The following PARP2 variants were observed in gnomAD, a reference collection of about 807,000 sequenced individuals.
The protein encoded by PARP2 is poly(ADP-ribose) polymerase 2, also known as poly [ADP-ribose] polymerase 2.
Under a neutral mutation model 77.8 loss-of-function variants are expected in PARP2, and 57 were observed. The observed-to-expected ratio is 0.73, with a 90% CI of 0.59 to 0.91. PARP2 has a LOEUF of 0.91. PARP2 is among the 40% of genes least tolerant of loss of function. The pLI is 0.00. For missense variants in PARP2, 651 were observed against 689.0 expected (o/e 0.94, Z 0.62); for synonymous variants, 226 against 242.6 (o/e 0.93, Z 0.64).
chr14:20,355,869 A>G lies in PARP2; in HGVS notation c.967-28A>G, dbSNP rs1216138579. On this transcript the variant is annotated intron_variant, in intron 10 of 15. Coordinates refer to ENST00000429687, the MANE Select transcript of PARP2 (RefSeq NM_001042618.2). ...ATATCCCTTATACCAGTGTCCTCCCACATTGATTCTATATCTCATCTTCTC... is the reference window on the plus strand; with the variant it reads ...ATATCCCTTATACCAGTGTCCTCCCGCATTGATTCTATATCTCATCTTCTC... The G allele has an allele frequency of 8.1e-6, 13 of 1,613,760 alleles. No homozygotes were observed. The South Asian group carries it at 1.2e-4, about 15-fold the overall frequency.
rs776743902 is a variant in PARP2, at chr14:20,350,539, TCAA to T, written c.348_350del (p.Asn116del). ...CACTCAACATAGACCAATCTCCAGT[TCAA>T]CAACAACAAGTACTATCTGATTCAG... is the stretch of plus-strand genomic sequence containing the variant. On this transcript the variant is annotated inframe_deletion, in exon 5 of 16. Coordinates refer to ENST00000429687, the MANE Select transcript of PARP2 (RefSeq NM_001042618.2). The T allele has an allele frequency of 2.0e-5, 32 of 1,603,576 alleles. No individual in the cohort carries two copies. The highest frequency in any genetic ancestry group is 1.1e-4 in the African/African-American group (8 of 74,740).
Position 20,350,984 on chromosome 14 carries a change from G to C in PARP2, c.422-63G>C. The C allele has an allele frequency of 5.6e-6, 7 of 1,249,094 alleles. No homozygotes were observed. In the South Asian group the frequency reaches 8.7e-5, roughly 15 times the overall value. The allele number at this position is 1,249,094 out of a possible 1,614,324, so 77.4% of individuals were successfully genotyped here. A position where few individuals can be genotyped will look rare whatever the true frequency, so the allele number is the denominator to read the frequency against. On this transcript the variant is annotated intron_variant, in intron 5 of 15. Coordinates refer to ENST00000429687, the MANE Select transcript of PARP2 (RefSeq NM_001042618.2). ...CTGTTTGTCAGATGTTAAGCAGAGA[G>C]ATCTTGGAGAGCTGGCCTGTTACTC...
In PARP2 at chr14:20,357,164, T is replaced by G. The variant is rs200223594; in HGVS notation, c.1428+15T>G. 0.27 allele frequency: 419,138 copies of G among 1,542,852 alleles called. 58,748 individuals carry two copies. The highest frequency in any genetic ancestry group is 0.36 in the South Asian group (32,716 of 89,682). Reference sequence around the variant, plus strand: ...TCTTATCAGAGGTGAGACAGGAGTATGTCTGTGATCTCTAGTTTATTAATT... The same window carrying G: ...TCTTATCAGAGGTGAGACAGGAGTAGGTCTGTGATCTCTAGTTTATTAATT... On this transcript the variant is annotated intron_variant, in intron 14 of 15. Transcript: ENST00000429687.
Position 20,351,108 on chromosome 14 carries a change from A to G in PARP2, c.483A>G (p.Glu161=). ...ACSGNLNKAK[E]IFQKKFLDKT... The stretch of plus-strand genomic sequence containing the variant: ...CAGGCAATCTCAACAAGGCCAAGGA[A>G]ATCTTTCAGAAGAAGTGAGTGCTGA... The change falls in exon 6 of 16, where the codon GAA becomes GAG. Residue 161 remains glutamate, a synonymous_variant. Transcript: ENST00000429687. 6.2e-7 allele frequency: 1 copy of G among 1,613,640 alleles called. No individual in the cohort carries two copies. The highest frequency in any genetic ancestry group is 8.5e-7 in the Non-Finnish European group (1 of 1,179,576).
chr14:20,348,711 C>T (rs1037094743), intron 4 of PARP2, among the ~76,000 whole-genome samples: 8 of 152,130 alleles, frequency 5.3e-5, no homozygotes, highest in African/African-American at 1.4e-4. Flanking sequence ...TAAAATACCA[C>T]GAGCAGATAG....
Position 20,350,529 on chromosome 14 carries a change from A to G in PARP2, c.328A>G (p.Asn110Asp), listed in dbSNP as rs778509911. The stretch of plus-strand genomic sequence containing the variant: ...TTTTTGTTTTCACTCAACATAGACC[A>G]ATCTCCAGTTCAACAACAACAAGTA... ...DVYDVMLNQTNLQFNNNKYYL... is the reference protein window; with the variant it reads ...DVYDVMLNQTDLQFNNNKYYL... Residue 110 changes from asparagine to aspartate, a missense_variant, in exon 5 of 16, where the codon AAT becomes GAT. Physicochemically the swap from Asn to Asp is conservative, Grantham distance 23. Transcript: ENST00000429687. 1 of 1,584,646 alleles carries G rather than the reference A, an allele frequency of 6.3e-7. No individual in the cohort carries two copies. Among genetic ancestry groups the G allele is most frequent in the Non-Finnish European group, 8.7e-7 (1 of 1,153,832 alleles).
intron 15 of PARP2, 51 bp from the exon 16 acceptor site, chr14:20,357,587 C>A (rs745465471): frequency 1.2e-6 from 2 of 1,604,720 alleles, no homozygotes; most frequent in Admixed American, 3.4e-5. Flanking sequence ...TTCTCTATTG[C>A]AGCTTCTGAA....
chr14:20,349,514 C>CA (rs11362579), intron 4 of PARP2, among the ~76,000 whole-genome samples: 3 of 150,736 alleles, frequency 2.0e-5, no homozygotes, highest in Non-Finnish European at 4.4e-5. Flanking sequence ...ACTAAAAATA[C>CA]AAAAAAAAAT....
At position 20,357,507 on chromosome 14, in the gene PARP2, C is replaced by T; in HGVS notation, c.1540C>T (p.His514Tyr). Residue 514 changes from histidine to tyrosine, a missense_variant, in exon 15 of 16, where the codon CAC (histidine) becomes TAC (tyrosine). Physicochemically the swap from His to Tyr is moderately conservative, Grantham distance 83. Coordinates refer to ENST00000429687, the MANE Select transcript of PARP2 (RefSeq NM_001042618.2). ...GLGKMAPSSA[H>Y]FVTLNGSTVP... Reference sequence around the variant, plus strand: ...GGGCAAGATGGCTCCCAGTTCTGCCCACTTCGTCACCCTGTAAGTACTCAG... The same window carrying T: ...GGGCAAGATGGCTCCCAGTTCTGCCTACTTCGTCACCCTGTAAGTACTCAG... The T allele has an allele frequency of 6.2e-7, 1 of 1,611,110 alleles. No individual in the cohort carries two copies. The highest frequency in any genetic ancestry group is 8.5e-7 in the Non-Finnish European group (1 of 1,178,994).
intron 9 of PARP2, chr14:20,355,268 A>G: frequency 4.5e-6 from 1 of 223,488 alleles, no homozygotes; most frequent in Non-Finnish European, 8.7e-6. Context: ...AACTAAAACC[A>G]CACAAACACC....
Position 20,345,057 on chromosome 14 carries a change from A to C in PARP2, c.172A>C (p.Asn58His). The C allele has an allele frequency of 7.4e-6, 12 of 1,614,092 alleles. No homozygotes were observed. The highest frequency in any genetic ancestry group is 9.3e-6 in the Non-Finnish European group (11 of 1,179,934). Residue 58 changes from asparagine to histidine, a missense_variant, in exon 2 of 16, where the codon AAT (asparagine) becomes CAT (histidine). Physicochemically the swap from Asn to His is moderately conservative, Grantham distance 68 (BLOSUM62 1). Coordinates refer to ENST00000429687, the MANE Select transcript of PARP2 (RefSeq NM_001042618.2). ...KKMPVAGGKA[N>H]KDRTEDKQDE... Reference sequence around the variant, plus strand: ...GATGCCTGTGGCTGGAGGAAAAGCTAATAAGGACAGGACAGAAGACAAGCA... The same window carrying C: ...GATGCCTGTGGCTGGAGGAAAAGCTCATAAGGACAGGACAGAAGACAAGCA...
chr14:20,345,449 A>T lies in PARP2; in HGVS notation c.258A>T (p.Thr86=), dbSNP rs1442530153. The T allele has an allele frequency of 3.7e-6, 6 of 1,613,498 alleles. No individual in the cohort carries two copies. The highest frequency in any genetic ancestry group is 5.1e-6 in the Non-Finnish European group (6 of 1,179,534). ...AAGCTCCTGTGGACCCAGAGTGTAC[A>T]GCCAAGGTGGGGAAGGTAAGAGACT... The part of the protein sequence containing the change: ...KGKAPVDPEC[T]AKVGKAHVYC... Residue 86 remains threonine, a synonymous_variant, in exon 3 of 16, where the codon ACA becomes ACT. Transcript: ENST00000429687.
At position 20,356,294 on chromosome 14, in the gene PARP2, T is replaced by G. The variant is rs2138949867; in HGVS notation, c.1102-13T>G. 2 of 1,613,942 alleles carry G rather than the reference T, an allele frequency of 1.2e-6. No homozygotes were observed. Among genetic ancestry groups the G allele is most frequent in the Non-Finnish European group, 1.7e-6 (2 of 1,179,842 alleles). ...TAGAGTCTACATCAGCCTTTTTGTCTTATTTTTCACAGGTGATTTCCCAGT... is the reference window on the plus strand; with the variant it reads ...TAGAGTCTACATCAGCCTTTTTGTCGTATTTTTCACAGGTGATTTCCCAGT... On this transcript the variant is annotated splice_polypyrimidine_tract_variant and intron_variant, in intron 11 of 15. Transcript: ENST00000429687.
At chr14:20,351,170 G>A (rs1176213550) in intron 6 of PARP2, 48 bp downstream of exon 6, 5 of 1,467,890 alleles carry the variant, frequency 3.4e-6, no homozygotes, top group South Asian at 1.2e-5. Flanking sequence ...CCTCTTCTTA[G>A]ATGTATATTC....
chr14:20,356,541 G>A, intron 12 of PARP2, 49 bp from the exon 13 acceptor site: 2 of 1,595,724 alleles, frequency 1.3e-6, no homozygotes, highest in Non-Finnish European at 1.7e-6. Flanking sequence ...TATGCTTATG[G>A]CCTATCTGTG....
chr14:20,351,189 AT>A (rs1225690071), intron 6 of PARP2, 67 bp downstream of exon 6: 446 of 1,291,494 alleles, frequency 3.5e-4, no homozygotes, highest in Non-Finnish European at 4.1e-4. Flanking sequence ...TCTCTAAAAA[AT>A]TTTTTTTTAG....
intron 3 of PARP2, among the ~76,000 whole-genome samples, chr14:20,345,705 G>A (rs1566416761): frequency 6.6e-6 from 1 of 152,110 alleles, no homozygotes; most frequent in Non-Finnish European, 1.5e-5. Flanking sequence ...AAATACCTGA[G>A]ACTAGGTATT....
rs1594304841 is a variant in PARP2, at chr14:20,357,159, G to C, written c.1428+10G>C. On this transcript the variant is annotated intron_variant, in intron 14 of 15. Transcript: ENST00000429687. Reference sequence around the variant, plus strand: ...GCTGCTCTTATCAGAGGTGAGACAGGAGTATGTCTGTGATCTCTAGTTTAT... The same window carrying C: ...GCTGCTCTTATCAGAGGTGAGACAGCAGTATGTCTGTGATCTCTAGTTTAT... The C allele has an allele frequency of 1.5e-6, 2 of 1,339,020 alleles. No individual in the cohort carries two copies. Among genetic ancestry groups the C allele is most frequent in the East Asian group, 2.4e-5 (1 of 42,514 alleles). The allele number at this position is 1,339,020 out of a possible 1,614,324, so 82.9% of individuals were successfully genotyped here. A position where few individuals can be genotyped will look rare whatever the true frequency, so the allele number is the denominator to read the frequency against.
chr14:20,350,350 T>C (rs1340192305), intron 4 of PARP2, among the ~76,000 whole-genome samples, 176 bp from the exon 5 acceptor site: 1 of 152,228 alleles, frequency 6.6e-6, no homozygotes, highest in Non-Finnish European at 1.5e-5. Flanking sequence ...AAGTTTAATG[T>C]ATAAGCCCTA....
Sources: allele counts gnomAD v4.1 joint callset (sites outside exome capture counted in the v4.1 genomes callset), GRCh38; gene constraint gnomAD v4.1.1; transcripts MANE v1.5; gene names NCBI Gene and HGNC (gene_info 2026-07-23, HGNC 2026-07-21).